The following STS variants were observed in gnomAD, a reference collection of about 807,000 sequenced individuals.
The protein encoded by STS is steryl-sulfatase.
A neutral mutation model predicts 26.8 loss-of-function variants in STS; 7 were observed. That is an observed-to-expected ratio of 0.26 (90% CI 0.15 to 0.49). The LOEUF is 0.49. STS is among the 20% of genes least tolerant of loss of function. The pLI, the probability that STS is intolerant of heterozygous loss-of-function variation, is 0.98. For missense variants in STS, 434 were observed against 465.6 expected (o/e 0.93, Z 0.63); for synonymous variants, 199 against 189.4 (o/e 1.05, Z -0.42).
chrX:7,251,324 T>C (rs746320382), intron 2 of STS, among the ~76,000 whole-genome samples: 1 of 111,956 alleles, frequency 8.9e-6, no homozygotes, highest in African/African-American at 3.2e-5. Flanking sequence ...AGCAGTGCAT[T>C]CCTGAGCAAG....
chrX:7,254,645 G>A lies in STS; in HGVS notation c.137+1309G>A, dbSNP rs745922265. On this transcript the variant is annotated intron_variant, in intron 3 of 10. Coordinates refer to ENST00000674429, the MANE Select transcript of STS (RefSeq NM_001320752.2). ...CGCCCAGCCTGGAGTGTGGTGGCAC[G>A]ATCTCGGGGATCACTGCAATCTCTG... Among the ~76,000 whole-genome samples the A allele has an allele frequency of 6.3e-5, 6 of 95,925 alleles. No homozygotes were observed. The South Asian group carries it at 2.3e-3, about 37-fold the overall frequency. The allele number at this position is 95,925 out of a possible 115,157, so 83.3% of individuals were successfully genotyped here. A position where few individuals can be genotyped will look rare whatever the true frequency, so the allele number is the denominator to read the frequency against.
At chrX:7,173,332 G>A (rs1933504193) in intron 1 of STS, among the ~76,000 whole-genome samples, 3 of 111,646 alleles carry the variant, frequency 2.7e-5, no homozygotes, top group Admixed American at 1.9e-4. Flanking sequence ...TCTTTATCCA[G>A]TCTGTCATTG....
At chrX:7,185,752 A>G (rs1447279192) in intron 1 of STS, among the ~76,000 whole-genome samples, 2 of 112,625 alleles carry the variant, frequency 1.8e-5, no homozygotes, top group African/African-American at 3.2e-5. Context: ...ATTGTCTGCT[A>G]CTGGTATGCT....
At chrX:7,193,547 A>G (rs1272814115) in intron 2 of STS, among the ~76,000 whole-genome samples, 1 of 110,889 alleles carries the variant, frequency 9.0e-6, no homozygotes, top group African/African-American at 3.3e-5. Context: ...TGCAGTAGCT[A>G]ATTAAAAATA....
intron 1 of STS, among the ~76,000 whole-genome samples, chrX:7,151,153 G>T (rs1427365040): frequency 8.9e-6 from 1 of 112,242 alleles, no homozygotes; most frequent in African/African-American, 3.2e-5. Flanking sequence ...GGGAGTCTTA[G>T]CTTATTTCAA....
rs182407039 is a variant in STS at position 7,220,413 on chromosome X, C to A, written c.-5+29405C>A. On this transcript the variant is annotated intron_variant, in intron 2 of 10. Transcript: ENST00000674429. ...GTTCTGGACACTGTCCCAGCTGTGG[C>A]TTCTGAGACAATGGCTAAATCCTTT... Among the ~76,000 whole-genome samples the A allele has an allele frequency of 4.8e-4, 53 of 110,952 alleles. 1 individual carries two copies. In the Middle Eastern group the frequency reaches 0.019, roughly 39 times the overall value.
chrX:7,274,123 GT>G (rs145959314), intron 6 of STS, among the ~76,000 whole-genome samples: 38,812 of 110,512 alleles, frequency 0.35, 5,082 homozygotes, highest in East Asian at 0.39. Flanking sequence ...AAGCTGGGCT[GT>G]GTGAGAGTAT....
chrX:7,168,514 G>A (rs187640912), intron 1 of STS, among the ~76,000 whole-genome samples: 3,959 of 111,650 alleles, frequency 0.035, 146 homozygotes, highest in African/African-American at 0.12. Context: ...TCTAGGGGCT[G>A]TGGCTCCTCT....
chrX:7,194,081 T>A (rs766551270), intron 2 of STS, among the ~76,000 whole-genome samples: 25 of 110,523 alleles, frequency 2.3e-4, no homozygotes, highest in Non-Finnish European at 4.5e-4. Context: ...ATTTTTGTAT[T>A]TTTAGTGGAG....
chrX:7,216,139 C>T (rs1376793762), intron 2 of STS, among the ~76,000 whole-genome samples: 1 of 111,712 alleles, frequency 9.0e-6, no homozygotes, highest in Non-Finnish European at 1.9e-5. Flanking sequence ...GGGTTATCTG[C>T]CTTGCAACCT....
At chrX:7,247,214 C>T (rs1026829444) in intron 2 of STS, among the ~76,000 whole-genome samples, 5 of 112,117 alleles carry the variant, frequency 4.5e-5, no homozygotes, top group African/African-American at 1.3e-4. Context: ...AACTCTTTTG[C>T]CCTATTTATT....
At chrX:7,195,712 G>C (rs1047416919) in intron 2 of STS, among the ~76,000 whole-genome samples, 1 of 112,157 alleles carries the variant, frequency 8.9e-6, no homozygotes, top group East Asian at 2.8e-4. Context: ...GAACCCTCAG[G>C]GTTCCTCAGG....
chrX:7,204,683 A>C (rs1477958506), intron 2 of STS, among the ~76,000 whole-genome samples: 33 of 78,550 alleles, frequency 4.2e-4, no homozygotes, highest in African/African-American at 6.6e-4. Context: ...TTTCCTCCTC[A>C]CCTTTTCTCT....
chrX:7,237,578 T>A (rs747164931), intron 2 of STS, among the ~76,000 whole-genome samples: 4 of 112,581 alleles, frequency 3.6e-5, no homozygotes, highest in Non-Finnish European at 5.6e-5. Flanking sequence ...ATGGTTAATT[T>A]CATGCATCAA....
At chrX:7,173,653 T>C (rs1933511160) in intron 1 of STS, among the ~76,000 whole-genome samples, 2 of 112,470 alleles carry the variant, frequency 1.8e-5, no homozygotes, top group African/African-American at 6.4e-5. Flanking sequence ...TGAGGTGATA[T>C]CTCATTGTGG....
At chrX:7,259,808 A>G (rs1456579059) in intron 6 of STS, 36 bp downstream of exon 6, 2 of 1,190,198 alleles carry the variant, frequency 1.7e-6, no homozygotes, top group African/African-American at 1.8e-5. Context: ...CTGCCTGTTA[A>G]AAAACATTCT....
chrX:7,319,166 GTTTTT>G (rs1193927303), intron 8 of STS, among the ~76,000 whole-genome samples: 1 of 110,280 alleles, frequency 9.1e-6, no homozygotes, highest in Non-Finnish European at 1.9e-5. Flanking sequence ...TTTGTTTTCT[GTTTTT>G]TAAGACATGA....
Position 7,200,057 on chromosome X carries a change from TC to T in STS, c.-5+9050del, listed in dbSNP as rs1409514666. On this transcript the variant is annotated intron_variant, in intron 2 of 10. Transcript: ENST00000674429. The stretch of plus-strand genomic sequence containing the variant: ...AAGTATTAGAAAACTTTGTGAGCTT[TC>T]TTTTTTTTTTTTTTAATAATACTGT... 1.2e-4 allele frequency among the ~76,000 whole-genome samples: 7 copies of T among 58,778 alleles called. No individual in the cohort carries two copies. The South Asian group carries it at 4.8e-3, about 41-fold the overall frequency. The allele number at this position is 58,778 out of a possible 115,157, so 51.0% of individuals were successfully genotyped here.
At chrX:7,182,544 G>A (rs1344456489) in intron 1 of STS, among the ~76,000 whole-genome samples, 4 of 110,763 alleles carry the variant, frequency 3.6e-5, no homozygotes, top group South Asian at 3.8e-4. Flanking sequence ...TTATTGGAGC[G>A]ATTGGTGGAA....
Sources: allele counts gnomAD v4.1 joint callset (sites outside exome capture counted in the v4.1 genomes callset), GRCh38; gene constraint gnomAD v4.1.1; transcripts MANE v1.5; gene names NCBI Gene and HGNC (gene_info 2026-07-23, HGNC 2026-07-21).